The following SMIM38 variants were observed in gnomAD, a reference collection of about 807,000 sequenced individuals.
SMIM38 encodes small integral membrane protein 38.
rs988574881 is a variant in SMIM38 at position 69,159,351 on chromosome 11, G to C, written c.*1349G>C. 3.3e-5 allele frequency: 5 copies of C among 152,194 alleles called. No homozygotes were observed. Among genetic ancestry groups the C allele is most frequent in the African/African-American group, 1.2e-4 (5 of 41,418 alleles). The allele number at this position is 152,194 out of a possible 1,614,324, so 9.4% of individuals were successfully genotyped here. On this transcript the variant is annotated splice_region_variant and 3_prime_UTR_variant, in exon 2 of 3. Transcript: ENST00000686237. ...GCTGTGTCCTGGCTGAATGAACCCA[G>C]GTGAGGACCAGAAACGCTGTTATCA... is the stretch of plus-strand genomic sequence containing the variant.
intron 1 of SMIM38, among the ~76,000 whole-genome samples, chr11:69,156,520 G>C (rs1040717028): frequency 3.9e-5 from 6 of 152,188 alleles, no homozygotes; most frequent in African/African-American, 1.4e-4. Context: ...AGAGCCTGTA[G>C]AGGTCAATGT....
At chr11:69,156,478 G>T (rs1856988198) in intron 1 of SMIM38, among the ~76,000 whole-genome samples, 1 of 152,208 alleles carries the variant, frequency 6.6e-6, no homozygotes, top group African/African-American at 2.4e-5. Context: ...CAGAAACTCG[G>T]CTGTGAGAGG....
chr11:69,156,390 C>G (rs768446788), intron 1 of SMIM38, among the ~76,000 whole-genome samples: 3 of 152,070 alleles, frequency 2.0e-5, no homozygotes, highest in Non-Finnish European at 4.4e-5. Context: ...CCCCCTAGCT[C>G]CAACTGGGGC....
intron 1 of SMIM38, among the ~76,000 whole-genome samples, chr11:69,156,464 C>G (rs1242264647): frequency 5.9e-5 from 9 of 152,218 alleles, no homozygotes; most frequent in African/African-American, 2.2e-4. Flanking sequence ...TTATCTCTCA[C>G]TCACAGAAAC....
Position 69,157,700 on chromosome 11 carries a change from G to A in SMIM38, c.-147G>A, listed in dbSNP as rs1451621996. On this transcript the variant is annotated 5_prime_UTR_variant, in exon 2 of 3. Transcript: ENST00000686237. ...AACAGGGCGGTCCCTTGGGGGCGCC[G>A]GCTGCAGAGGCCCCAGGCTGGACGG... 1 of 396,652 alleles carries A rather than the reference G, an allele frequency of 2.5e-6. No homozygotes were observed. The highest frequency in any genetic ancestry group is 4.4e-6 in the Non-Finnish European group (1 of 225,396). 24.6% of individuals were successfully genotyped at this position (396,652 alleles called of 1,614,324 possible).
chr11:69,156,557 AGTCTGTG>A, intron 1 of SMIM38, among the ~76,000 whole-genome samples: 1 of 150,364 alleles, frequency 6.7e-6, no homozygotes, highest in Non-Finnish European at 1.5e-5. Context: ...CACACGTGTG[AGTCTGTG>A]TGCACACACA....
Position 69,158,068 on chromosome 11 carries a change from G to A in SMIM38, c.*66G>A. The A allele has an allele frequency of 5.0e-6, 2 of 398,492 alleles. No individual in the cohort carries two copies. The highest frequency in any genetic ancestry group is 8.8e-6 in the Non-Finnish European group (2 of 226,134). The allele number at this position is 398,492 out of a possible 1,614,324, so 24.7% of individuals were successfully genotyped here. A position where few individuals can be genotyped will look rare whatever the true frequency, so the allele number is the denominator to read the frequency against. On this transcript the variant is annotated 3_prime_UTR_variant, in exon 2 of 3. Transcript: ENST00000686237. The stretch of plus-strand genomic sequence containing the variant: ...CTCAGCCGGCCCTTCCAGTGGTGGT[G>A]GGAGGGAGGGGAGCAGGGCAGGCGC...
rs1041308898 is a variant in SMIM38, at chr11:69,161,151, A to G, written c.*3055A>G. ...AGGCAGGAAGAGAAAGGAAAGGGTG[A>G]CAGAGACAGAAAGCAATGTCCCCAG... On this transcript the variant is annotated 3_prime_UTR_variant, in exon 3 of 3. Transcript: ENST00000686237. 6.6e-6 allele frequency: 1 copy of G among 152,242 alleles called. No homozygotes were observed. Among genetic ancestry groups the G allele is most frequent in the Admixed American group, 6.5e-5 (1 of 15,288 alleles). 9.4% of individuals were successfully genotyped at this position (152,242 alleles called of 1,614,324 possible).
At position 69,161,712 on chromosome 11, in the gene SMIM38, A is replaced by G. The variant is rs1168148721; in HGVS notation, c.*3616A>G. On this transcript the variant is annotated 3_prime_UTR_variant, in exon 3 of 3. Coordinates refer to ENST00000686237, the MANE Select transcript of SMIM38 (RefSeq NM_001369201.2). The stretch of plus-strand genomic sequence containing the variant: ...GAGACAGTGAAGAATTGATGGATAA[A>G]TGAATAATGATGATGGACAGCAGAT... 1.3e-5 allele frequency: 2 copies of G among 152,368 alleles called. No homozygotes were observed. Among genetic ancestry groups the G allele is most frequent in the East Asian group, 1.9e-4 (1 of 5,194 alleles). 9.4% of individuals were successfully genotyped at this position (152,368 alleles called of 1,614,324 possible).
chr11:69,158,129 A>G lies in SMIM38; in HGVS notation c.*127A>G. On this transcript the variant is annotated 3_prime_UTR_variant, in exon 2 of 3. Coordinates refer to ENST00000686237, the MANE Select transcript of SMIM38 (RefSeq NM_001369201.2). ...TGTCCCACCCCTGGGGCAGGAGCTC[A>G]GAGAGGCCTGAGATGGATCGTGCCT... 2.5e-6 allele frequency: 1 copy of G among 396,832 alleles called. No homozygotes were observed. The highest frequency in any genetic ancestry group is 4.4e-6 in the Non-Finnish European group (1 of 225,476). The allele number at this position is 396,832 out of a possible 1,614,324, so 24.6% of individuals were successfully genotyped here.
At position 69,160,579 on chromosome 11, in the gene SMIM38, C is replaced by G. The variant is rs918522399; in HGVS notation, c.*2483C>G. 1.3e-5 allele frequency: 2 copies of G among 152,190 alleles called. No individual in the cohort carries two copies. The highest frequency in any genetic ancestry group is 4.8e-5 in the African/African-American group (2 of 41,418). The allele number at this position is 152,190 out of a possible 1,614,324, so 9.4% of individuals were successfully genotyped here. Reference sequence around the variant, plus strand: ...AGGGAGGACAGACGCTCAAGGCGGCCCCATGAGAACACAGCCACCTGGAAA... The same window carrying G: ...AGGGAGGACAGACGCTCAAGGCGGCGCCATGAGAACACAGCCACCTGGAAA... On this transcript the variant is annotated 3_prime_UTR_variant, in exon 3 of 3. Coordinates refer to ENST00000686237, the MANE Select transcript of SMIM38 (RefSeq NM_001369201.2).
rs1421505077 is a variant in SMIM38, at chr11:69,159,956, A to C, written c.*1860A>C. 2 of 152,196 alleles carry C rather than the reference A, an allele frequency of 1.3e-5. No individual in the cohort carries two copies. The highest frequency in any genetic ancestry group is 4.8e-5 in the African/African-American group (2 of 41,446). The allele number at this position is 152,196 out of a possible 1,614,324, so 9.4% of individuals were successfully genotyped here. A position where few individuals can be genotyped will look rare whatever the true frequency, so the allele number is the denominator to read the frequency against. On this transcript the variant is annotated 3_prime_UTR_variant, in exon 3 of 3. Transcript: ENST00000686237. ...GGTTGCCCAGGGCTGTCTTGTTTTT[A>C]AAATGGAAAGTTCGATGTCCTGGAA...
rs1857014119 is a variant in SMIM38, at chr11:69,158,169, G to C, written c.*167G>C. On this transcript the variant is annotated 3_prime_UTR_variant, in exon 2 of 3. Transcript: ENST00000686237. Reference sequence around the variant, plus strand: ...GGATCGTGCCTTCCCAGACTGACCAGGGCTGTCCCGTAGAGGCAGCTGGCC... The same window carrying C: ...GGATCGTGCCTTCCCAGACTGACCACGGCTGTCCCGTAGAGGCAGCTGGCC... The C allele has an allele frequency of 5.1e-6, 2 of 394,880 alleles. No homozygotes were observed. The highest frequency in any genetic ancestry group is 4.1e-5 in the African/African-American group (2 of 48,580). The allele number at this position is 394,880 out of a possible 1,614,324, so 24.5% of individuals were successfully genotyped here.
chr11:69,160,620 G>T lies in SMIM38; in HGVS notation c.*2524G>T, dbSNP rs1325475955. Reference sequence around the variant, plus strand: ...CACCTGGAAAAATGGTGGAAGGGAAGATTCTGCCAACCTCCTCCGACTCCC... The same window carrying T: ...CACCTGGAAAAATGGTGGAAGGGAATATTCTGCCAACCTCCTCCGACTCCC... On this transcript the variant is annotated 3_prime_UTR_variant, in exon 3 of 3. Transcript: ENST00000686237. 6.6e-6 allele frequency: 1 copy of T among 152,288 alleles called. No individual in the cohort carries two copies. Among genetic ancestry groups the T allele is most frequent in the Admixed American group, 6.5e-5 (1 of 15,292 alleles). The allele number at this position is 152,288 out of a possible 1,614,324, so 9.4% of individuals were successfully genotyped here. A position where few individuals can be genotyped will look rare whatever the true frequency, so the allele number is the denominator to read the frequency against.
Position 69,162,060 on chromosome 11 carries a change from A to G in SMIM38, c.*3964A>G, listed in dbSNP as rs1362320482. ...CTCCACCCTTCAAAACTGTGAGAAC[A>G]TAGATGTCTGCTGTTTGAGCCACCC... On this transcript the variant is annotated 3_prime_UTR_variant, in exon 3 of 3. Coordinates refer to ENST00000686237, the MANE Select transcript of SMIM38 (RefSeq NM_001369201.2). 3 of 152,292 alleles carry G rather than the reference A, an allele frequency of 2.0e-5. No individual in the cohort carries two copies. Among genetic ancestry groups the G allele is most frequent in the African/African-American group, 4.8e-5 (2 of 41,548 alleles). The allele number at this position is 152,292 out of a possible 1,614,324, so 9.4% of individuals were successfully genotyped here.
intron 1 of SMIM38, among the ~76,000 whole-genome samples, chr11:69,156,576 G>A (rs1482436406): frequency 7.8e-6 from 1 of 128,596 alleles, no homozygotes; most frequent in South Asian, 3.0e-4. Flanking sequence ...GCACACACAT[G>A]TATACATGTG....
rs1857004488 is a variant in SMIM38 at position 69,157,527 on chromosome 11, C to T, written c.-320C>T. The T allele has an allele frequency of 1.2e-5, 3 of 246,498 alleles. No individual in the cohort carries two copies. Among genetic ancestry groups the T allele is most frequent in the Non-Finnish European group, 2.3e-5 (3 of 129,756 alleles). The allele number at this position is 246,498 out of a possible 1,614,324, so 15.3% of individuals were successfully genotyped here. On this transcript the variant is annotated 5_prime_UTR_variant, in exon 2 of 3. The change creates a new upstream start codon in the 5' untranslated region. Coordinates refer to ENST00000686237, the MANE Select transcript of SMIM38 (RefSeq NM_001369201.2). ...CTGGACAATGCTGTCATTGTCAGCACGGAGAGTGGTTAATTCTGGATGAAT... is the reference window on the plus strand; with the variant it reads ...CTGGACAATGCTGTCATTGTCAGCATGGAGAGTGGTTAATTCTGGATGAAT...
chr11:69,161,398 G>A lies in SMIM38; in HGVS notation c.*3302G>A, dbSNP rs1857053200. 1 of 152,216 alleles carries A rather than the reference G, an allele frequency of 6.6e-6. No homozygotes were observed. The highest frequency in any genetic ancestry group is 1.5e-5 in the Non-Finnish European group (1 of 68,042). 9.4% of individuals were successfully genotyped at this position (152,216 alleles called of 1,614,324 possible). ...TCTTTGTAATGATGGTCTTTGTCTT[G>A]GACCCTATTTTGGATATTTGGGCAC... On this transcript the variant is annotated 3_prime_UTR_variant, in exon 3 of 3. Transcript: ENST00000686237.
rs1159172166 is a variant in SMIM38, at chr11:69,157,713, C to T, written c.-134C>T. The T allele has an allele frequency of 2.5e-6, 1 of 397,054 alleles. No individual in the cohort carries two copies. Among genetic ancestry groups the T allele is most frequent in the Non-Finnish European group, 4.4e-6 (1 of 225,610 alleles). The allele number at this position is 397,054 out of a possible 1,614,324, so 24.6% of individuals were successfully genotyped here. On this transcript the variant is annotated 5_prime_UTR_variant, in exon 2 of 3. Coordinates refer to ENST00000686237, the MANE Select transcript of SMIM38 (RefSeq NM_001369201.2). The stretch of plus-strand genomic sequence containing the variant: ...CTTGGGGGCGCCGGCTGCAGAGGCC[C>T]CAGGCTGGACGGAGCTTCCTGTCCT...
Sources: gnomAD v4.1 joint callset for allele counts (sites outside exome capture counted in the v4.1 genomes callset) on GRCh38, gnomAD v4.1.1 for gene constraint, MANE v1.5 for transcripts, NCBI Gene and HGNC (gene_info 2026-07-23, HGNC 2026-07-21) for gene names.